Variants in OSBP observed in about 807,000 individuals in gnomAD.
OSBP encodes oxysterol-binding protein 1.
Under a neutral mutation model 96.6 loss-of-function variants are expected in OSBP, and 32 were observed. The observed-to-expected ratio is 0.33, with a 90% CI of 0.25 to 0.45. OSBP has a LOEUF of 0.45. Among genes scored for constraint, OSBP ranks in the 20% least tolerant of loss-of-function variants. The pLI is 1.00. For synonymous variants in OSBP, 369 were observed against 389.6 expected, an observed-to-expected ratio of 0.95 and a Z score of 0.62; for missense variants, 653 against 1,029.7, an observed-to-expected ratio of 0.63 and a Z score of 5.01.
chr11:59,593,809 C>T, intron 8 of OSBP, 85 bp from the exon 9 acceptor site: 1 of 1,566,772 alleles, frequency 6.4e-7, no homozygotes. Context: ...CACCAAAATT[C>T]ACACTTGACG....
chr11:59,586,178 G>GAAAAAAAAAAAAAAAAAAAAA (rs34764421), intron 9 of OSBP, among the ~76,000 whole-genome samples: 3 of 60,344 alleles, frequency 5.0e-5, no homozygotes, highest in Non-Finnish European at 1.1e-4. Context: ...AATAAATAAA[G>GAAAAAAAAAAAAAAAAAAAAA]AAAAAAAAAA....
In OSBP at chr11:59,581,463, C is replaced by T. The variant is rs1220338514; in HGVS notation, c.1770G>A (p.Leu590=). 1 of 1,607,040 alleles carries T rather than the reference C, an allele frequency of 6.2e-7. No individual in the cohort carries two copies. Among genetic ancestry groups the T allele is most frequent in the African/African-American group, 1.3e-5 (1 of 74,820 alleles). Residue 590 remains leucine (L), a synonymous_variant, in exon 10 of 14, where the codon TTG becomes TTA. Coordinates refer to ENST00000263847, the MANE Select transcript of OSBP (RefSeq NM_002556.3). ...TACCTTTCCTCACCTGATCTATCCACAACTTGCCCACAATAATGTTGTGTA... is the reference window on the plus strand; with the variant it reads ...TACCTTTCCTCACCTGATCTATCCATAACTTGCCCACAATAATGTTGTGTA... The part of the protein sequence containing the change: ...TTVHNIIVGK[L]WIDQSGEIDI...
At chr11:59,593,560 T>G (rs755006668) in intron 9 of OSBP, 44 bp downstream of exon 9, 1 of 1,610,786 alleles carries the variant, frequency 6.2e-7, no homozygotes, top group Non-Finnish European at 8.5e-7. Context: ...CCAGAAAACC[T>G]TTCATTCCAG....
In OSBP at chr11:59,587,555, T is replaced by G. The variant is rs530959288; in HGVS notation, c.1679-6001A>C. Among the ~76,000 whole-genome samples the G allele has an allele frequency of 1.1e-4, 17 of 150,316 alleles. No individual in the cohort carries two copies. In the South Asian group the frequency reaches 2.5e-3, roughly 22 times the overall value. On this transcript the variant is annotated intron_variant, in intron 9 of 13. Transcript: ENST00000263847. ...ACTTGAATAGGTATTCCTCCAAAGATATACAAATGATAAGTAAGTACATAA... is the reference window on the plus strand; with the variant it reads ...ACTTGAATAGGTATTCCTCCAAAGAGATACAAATGATAAGTAAGTACATAA...
intron 5 of OSBP, 124 bp downstream of exon 5, chr11:59,601,159 T>C (rs1448616565): frequency 1.7e-6 from 1 of 589,798 alleles, no homozygotes; most frequent in Non-Finnish European, 2.9e-6. Flanking sequence ...GATTCAATAT[T>C]GACAATTATA....
chr11:59,613,791 G>A (rs1860884211), intron 1 of OSBP, among the ~76,000 whole-genome samples: 2 of 152,220 alleles, frequency 1.3e-5, no homozygotes, highest in Non-Finnish European at 2.9e-5. Context: ...CAGTGAGGAT[G>A]AGCTATCTAA....
In OSBP at chr11:59,576,557, TCTTTTTTGTTA is replaced by T. The variant is rs758527632; in HGVS notation, c.*9_*19del. The T allele has an allele frequency of 5.6e-6, 9 of 1,610,572 alleles. No individual in the cohort carries two copies. Among genetic ancestry groups the T allele is most frequent in the Non-Finnish European group, 7.6e-6 (9 of 1,178,730 alleles). ...TGTCCTCTTCTCCATTATATGCTCC[TCTTTTTTGTTA>T]CTGCCGTTTCAGAAAATGTCCGGGC... On this transcript the variant is annotated 3_prime_UTR_variant, in exon 14 of 14. Transcript: ENST00000263847.
rs1860552838 is a variant in OSBP, at chr11:59,589,631, T to C, written c.1678+3973A>G. On this transcript the variant is annotated intron_variant, in intron 9 of 13. Transcript: ENST00000263847. ...AAATAAATAAATAAATAAAAATAAA[T>C]GCACCTTTTTAAACTTCAAGCATAT... is the stretch of plus-strand genomic sequence containing the variant. Among the ~76,000 whole-genome samples the C allele has an allele frequency of 2.6e-5, 4 of 151,842 alleles. No individual in the cohort carries two copies. The South Asian group carries it at 8.3e-4, about 32-fold the overall frequency.
chr11:59,612,000 A>T (rs915851847), intron 1 of OSBP, among the ~76,000 whole-genome samples: 10 of 152,246 alleles, frequency 6.6e-5, no homozygotes, highest in Non-Finnish European at 1.0e-4. Context: ...AAATTGGAAC[A>T]CAGAGGTCAA....
At chr11:59,615,183 T>C (rs1462131363) in intron 1 of OSBP, 120 bp downstream of exon 1, 17 of 772,372 alleles carry the variant, frequency 2.2e-5, no homozygotes, top group Non-Finnish European at 3.5e-5. Context: ...TCCGCACAGA[T>C]GACGAAAAGG....
Position 59,576,429 on chromosome 11 carries a change from CCTT to C in OSBP, c.*145_*147del, listed in dbSNP as rs1860362175. 4 of 866,908 alleles carry C rather than the reference CCTT, an allele frequency of 4.6e-6. No individual in the cohort carries two copies. The South Asian group carries it at 5.1e-5, about 11-fold the overall frequency. 53.7% of individuals were successfully genotyped at this position (866,908 alleles called of 1,614,324 possible). On this transcript the variant is annotated 3_prime_UTR_variant, in exon 14 of 14. Coordinates refer to ENST00000263847, the MANE Select transcript of OSBP (RefSeq NM_002556.3). ...CAGCCAATCACCACCACTGGTGTCT[CCTT>C]CTGGTGATTGATTTGGAAAAAATGA...
intron 11 of OSBP, 55 bp downstream of exon 11, chr11:59,580,119 T>A: frequency 2.6e-6 from 3 of 1,164,932 alleles, no homozygotes; most frequent in Non-Finnish European, 3.9e-6. Context: ...TAAAGGAGTA[T>A]GCTTTCTAAG....
At chr11:59,597,014 A>C (rs1258720527) in intron 7 of OSBP, among the ~76,000 whole-genome samples, 1 of 152,104 alleles carries the variant, frequency 6.6e-6, no homozygotes, top group African/African-American at 2.4e-5. Flanking sequence ...ATCAATAAGG[A>C]ACTAATGGTA....
intron 9 of OSBP, among the ~76,000 whole-genome samples, chr11:59,586,333 T>G (rs1246481360): frequency 1.3e-5 from 2 of 151,508 alleles, no homozygotes; most frequent in Non-Finnish European, 2.9e-5. Flanking sequence ...TATAATAGTA[T>G]CAAAAAGAAC....
intron 7 of OSBP, among the ~76,000 whole-genome samples, chr11:59,598,267 G>A (rs971625009): frequency 2.6e-5 from 4 of 152,180 alleles, no homozygotes; most frequent in Non-Finnish European, 5.9e-5. Context: ...CCATCAAGAC[G>A]TAGCCCCTGA....
chr11:59,597,146 C>T (rs1860669151), intron 7 of OSBP, among the ~76,000 whole-genome samples: 1 of 152,022 alleles, frequency 6.6e-6, no homozygotes, highest in Admixed American at 6.6e-5. Context: ...GCAATCTCCG[C>T]CTCCCAGATT....
intron 9 of OSBP, among the ~76,000 whole-genome samples, chr11:59,582,154 C>T (rs996776733): frequency 5.3e-5 from 8 of 152,194 alleles, no homozygotes; most frequent in East Asian, 1.9e-4. Context: ...CTGTTATTTA[C>T]GGTGGACCTT....
At chr11:59,579,950 G>A (rs1055344895) in intron 11 of OSBP, among the ~76,000 whole-genome samples, 2 of 151,944 alleles carry the variant, frequency 1.3e-5, no homozygotes, top group Non-Finnish European at 2.9e-5. Context: ...GACCTCAGGC[G>A]ATCCATCTGC....
chr11:59,584,786 A>G (rs1860473363), intron 9 of OSBP, among the ~76,000 whole-genome samples: 1 of 152,176 alleles, frequency 6.6e-6, no homozygotes, highest in African/African-American at 2.4e-5. Flanking sequence ...TGGAAGTTTT[A>G]GCCAGGGCAA....
Sources: allele counts gnomAD v4.1 joint callset (sites outside exome capture counted in the v4.1 genomes callset), GRCh38; gene constraint gnomAD v4.1.1; transcripts MANE v1.5; gene names NCBI Gene and HGNC (gene_info 2026-07-23, HGNC 2026-07-21).